The following MYH7B variants were observed in gnomAD, a reference collection of about 807,000 sequenced individuals.
MYH7B encodes myosin heavy chain 7B.
A neutral mutation model predicts 234.5 loss-of-function variants in MYH7B; 205 were observed. The ratio of observed to expected loss-of-function variants is 0.87; its 90% CI spans 0.78 to 0.98. The LOEUF is 0.98. MYH7B is among the 50% of genes least tolerant of loss of function. MYH7B has a pLI of 0.00. For synonymous variants in MYH7B, 1,193 were observed against 1,105.0 expected (o/e 1.08, Z -1.58); for missense variants, 2,652 against 2,633.4 (o/e 1.01, Z -0.15).
Position 34,997,452 on chromosome 20 carries a change from G to T in MYH7B, c.3559G>T (p.Glu1187Ter). 1 of 1,484,468 alleles carries T rather than the reference G, an allele frequency of 6.7e-7. No homozygotes were observed. The allele number at this position is 1,484,468 out of a possible 1,614,324, so 92.0% of individuals were successfully genotyped here. A position where few individuals can be genotyped will look rare whatever the true frequency, so the allele number is the denominator to read the frequency against. Residue 1187 changes from glutamate to a stop codon, truncating the protein, a stop_gained, in exon 32 of 45, where the codon GAG (glutamate) becomes TAG (stop). Transcript: ENST00000262873. LOFTEE classifies it high-confidence loss of function. Reference sequence around the variant, plus strand: ...GGGGAGGCTGCGGCGGGAGCTGGAGGAGGCGGCGCTGCGGCACGAGGCCAC... The same window carrying T: ...GGGGAGGCTGCGGCGGGAGCTGGAGTAGGCGGCGCTGCGGCACGAGGCCAC...
intron 1 of MYH7B, among the ~76,000 whole-genome samples, chr20:34,957,617 G>A (rs969416388): frequency 6.0e-5 from 9 of 150,170 alleles, no homozygotes; most frequent in African/African-American, 2.0e-4. Flanking sequence ...AGCCTCCCAA[G>A]TAGCTGGGAT....
At chr20:34,987,857 G>A in exon 18 of MYH7B, 1 of 1,612,796 alleles carries the variant, frequency 6.2e-7, no homozygotes, top group Non-Finnish European at 8.5e-7. Flanking sequence ...TGGACACAAA[G>A]CTGCCCCGGC....
chr20:34,994,398 G>A (rs2082213899), exon 27 of MYH7B: 1 of 1,574,262 alleles, frequency 6.4e-7, no homozygotes. Context: ...TGCAGCTGCA[G>A]GCTGTGAGTC....
rs1478250211 is a variant in MYH7B, at chr20:34,977,693, G to C, written c.-73+13G>C. 1 of 1,568,962 alleles carries C rather than the reference G, an allele frequency of 6.4e-7. No individual in the cohort carries two copies. The highest frequency in any genetic ancestry group is 2.3e-5 in the East Asian group (1 of 43,268). On this transcript the variant is annotated intron_variant, in intron 4 of 44. Transcript: ENST00000262873. ...CCGTGGTGCCGAGGTAGGTGATCAG[G>C]GCTGGGGTTGGAGCCGAAGGGAGGG...
Position 34,996,500 on chromosome 20 carries a change from G to A in MYH7B, c.3098G>A (p.Arg1033Gln), listed in dbSNP as rs374195076. Reference sequence around the variant, plus strand: ...AGCGCGCTGACCAAGGCCAAGCTCCGGCTGGAGCAACAGGTGGAGGACGTG... The same window carrying A: ...AGCGCGCTGACCAAGGCCAAGCTCCAGCTGGAGCAACAGGTGGAGGACGTG... Residue 1033 changes from arginine (R) to glutamine (Q), a missense_variant, in exon 29 of 45, where the codon CGG (arginine) becomes CAG (glutamine). Transcript: ENST00000262873. 7 of 1,611,328 alleles carry A rather than the reference G, an allele frequency of 4.3e-6. No homozygotes were observed. The highest frequency in any genetic ancestry group is 2.2e-5 in the East Asian group (1 of 44,824).
At chr20:34,986,927 T>G (rs759530920) in exon 15 of MYH7B, 1 of 1,614,116 alleles carries the variant, frequency 6.2e-7, no homozygotes, top group Non-Finnish European at 8.5e-7. Context: ...CTACCACTTC[T>G]GCAGCCAGGG....
exon 41 of MYH7B, chr20:35,001,081 C>G (rs1293433157): frequency 6.2e-7 from 1 of 1,613,794 alleles, no homozygotes. Context: ...GGTGCGCGAG[C>G]TCCAGGCCCG....
intron 11 of MYH7B, 23 bp downstream of exon 11, chr20:34,984,738 T>C: frequency 3.1e-6 from 5 of 1,605,262 alleles, no homozygotes; most frequent in East Asian, 2.2e-5. Flanking sequence ...CCAATGTCAA[T>C]GGGGCAGCCC....
chr20:34,997,965 C>T (rs572266510), intron 32 of MYH7B, among the ~76,000 whole-genome samples: 2 of 152,112 alleles, frequency 1.3e-5, no homozygotes, highest in Admixed American at 1.3e-4. Flanking sequence ...GTCCTGAACC[C>T]CAGCACCCTA....
exon 44 of MYH7B, chr20:35,001,997 A>G: frequency 6.2e-7 from 1 of 1,614,038 alleles, no homozygotes; most frequent in Non-Finnish European, 8.5e-7. Context: ...GCCCAGCACG[A>G]GCTGGATGAT....
At chr20:35,002,292 C>G (rs566190900) in exon 45 of MYH7B, 4 of 1,345,696 alleles carry the variant, frequency 3.0e-6, no homozygotes, top group Middle Eastern at 2.0e-4. Context: ...CTGCTGCCTT[C>G]AGCCTTCCCT....
At position 34,998,398 on chromosome 20, in the gene MYH7B, G is replaced by A. The variant is rs749058691; in HGVS notation, c.3851G>A (p.Arg1284His). ...CAGCTGGCGGACGCAAGCACGCAGC[G>A]TGGGCGACTACAGACGGAAAGCGGT... The change falls in exon 33 of 45, where the codon CGT becomes CAT. Residue 1284 changes from arginine (R) to histidine (H), a missense_variant. Physicochemically the swap from Arg to His is conservative, Grantham distance 29 (BLOSUM62 0). Coordinates refer to ENST00000262873, the Ensembl canonical transcript of MYH7B. 2.0e-5 allele frequency: 33 copies of A among 1,613,422 alleles called. No individual in the cohort carries two copies. The highest frequency in any genetic ancestry group is 1.0e-4 in the Admixed American group (6 of 60,032).
chr20:34,990,809 C>T (rs765146045), exon 23 of MYH7B: 12 of 1,614,172 alleles, frequency 7.4e-6, no homozygotes, highest in South Asian at 1.1e-5. Context: ...TTGTCCCCAA[C>T]GAGAACAAAA....
At chr20:34,965,275 G>A (rs887079762) in intron 2 of MYH7B, among the ~76,000 whole-genome samples, 20 of 152,242 alleles carry the variant, frequency 1.3e-4, no homozygotes, top group Admixed American at 6.5e-5. Flanking sequence ...TTGGACTCCA[G>A]AACTCTTAGG....
chr20:35,000,297 A>C (rs1486138029), exon 39 of MYH7B: 5 of 1,573,436 alleles, frequency 3.2e-6, no homozygotes, highest in Non-Finnish European at 4.3e-6. Flanking sequence ...CCATAGGCGC[A>C]ACCACCAGCG....
chr20:34,967,654 C>T (rs999008535), intron 2 of MYH7B, among the ~76,000 whole-genome samples: 9 of 152,198 alleles, frequency 5.9e-5, no homozygotes, highest in African/African-American at 1.9e-4. Flanking sequence ...CCTGGGGAGG[C>T]CCCTGTGTCA....
At chr20:34,989,126 T>C (rs1424127332) in intron 19 of MYH7B, among the ~76,000 whole-genome samples, 1 of 152,226 alleles carries the variant, frequency 6.6e-6, no homozygotes, top group African/African-American at 2.4e-5. Context: ...TTTTCTTTTA[T>C]AGACACAGAT....
In MYH7B at chr20:34,994,411, G is replaced by A. The variant is rs1401321005; in HGVS notation, c.2700+10G>A. On this transcript the variant is annotated intron_variant, in intron 27 of 44. Coordinates refer to ENST00000262873, the Ensembl canonical transcript of MYH7B. Reference sequence around the variant, plus strand: ...CCTGCAGCTGCAGGCTGTGAGTCAGGGTTCCCCTTGTGACCGGGCGTCCCC... The same window carrying A: ...CCTGCAGCTGCAGGCTGTGAGTCAGAGTTCCCCTTGTGACCGGGCGTCCCC... 4.5e-6 allele frequency: 7 copies of A among 1,560,444 alleles called. No homozygotes were observed. Among genetic ancestry groups the A allele is most frequent in the Admixed American group, 3.8e-5 (2 of 52,902 alleles).
chr20:34,991,779 A>G lies in MYH7B; in HGVS notation c.2183+658A>G, dbSNP rs375429163. On this transcript the variant is annotated intron_variant, in intron 24 of 44. Transcript: ENST00000262873. ...CTCCAGAAGTCATGGTGTCATCCACACTATCCTTTGTAAACAGAGGTTCAC... is the reference window on the plus strand; with the variant it reads ...CTCCAGAAGTCATGGTGTCATCCACGCTATCCTTTGTAAACAGAGGTTCAC... Among the ~76,000 whole-genome samples the G allele has an allele frequency of 1.2e-4, 19 of 152,164 alleles. 1 individual carries two copies. The highest frequency in any genetic ancestry group is 2.6e-4 in the Non-Finnish European group (18 of 68,020).
Sources: allele counts gnomAD v4.1 joint callset (sites outside exome capture counted in the v4.1 genomes callset), GRCh38; gene constraint gnomAD v4.1.1; transcripts MANE v1.5; gene names NCBI Gene and HGNC (gene_info 2026-07-23, HGNC 2026-07-21).